CIB4: variants seen among roughly 807,000 people sequenced by gnomAD.
The protein encoded by CIB4 is calcium and integrin binding family member 4.
A neutral mutation model predicts 25.8 loss-of-function variants in CIB4; 25 were observed. The observed-to-expected ratio is 0.97, with a 90% CI of 0.71 to 1.35. The LOEUF (loss-of-function observed/expected upper bound fraction) is 1.35. Ranked by LOEUF, CIB4 falls within the 40% of genes most tolerant of loss-of-function variation. The probability of loss-of-function intolerance (pLI) is 0.00; values close to 1 mark genes in which losing one functional copy is unlikely to be tolerated. For synonymous variants in CIB4, 75 were observed against 81.4 expected (o/e 0.92, Z 0.42); for missense variants, 235 against 228.2 (o/e 1.03, Z -0.19).
At chr2:26,589,102 T>TTCTTCC (rs1360378999) in intron 4 of CIB4, among the ~76,000 whole-genome samples, 1 of 70,750 alleles carries the variant, frequency 1.4e-5, no homozygotes, top group African/African-American at 5.9e-5. Context: ...CTTCTTCTTC[T>TTCTTCC]TCTTCCTCTT....
chr2:26,601,421 A>G (rs1413619837), intron 3 of CIB4, among the ~76,000 whole-genome samples: 1 of 151,952 alleles, frequency 6.6e-6, no homozygotes, highest in Non-Finnish European at 1.5e-5. Flanking sequence ...CTGTGGGGGA[A>G]GGGACAGTCT....
rs188254969 is a variant in CIB4, at chr2:26,585,471, C to G, written c.329-1573G>C. ...GTCCGGCCTTCTCAGCACCACTCCC[C>G]TAGAGCTCCCAGCAGTCACCCAAGC... On this transcript the variant is annotated intron_variant, in intron 4 of 6. Transcript: ENST00000288861. Among the ~76,000 whole-genome samples the G allele has an allele frequency of 7.9e-5, 12 of 152,170 alleles. No individual in the cohort carries two copies. The East Asian group carries it at 2.3e-3, about 29-fold the overall frequency.
intron 3 of CIB4, among the ~76,000 whole-genome samples, chr2:26,620,837 C>T (rs772129865): frequency 3.2e-4 from 48 of 152,106 alleles, no homozygotes; most frequent in South Asian, 6.2e-4. Flanking sequence ...AAGGAGAGGA[C>T]GCTACAAAAA....
chr2:26,590,624 C>A (rs891633876), intron 4 of CIB4, among the ~76,000 whole-genome samples: 2 of 152,200 alleles, frequency 1.3e-5, no homozygotes, highest in Admixed American at 6.5e-5. Context: ...CCACTCCCCC[C>A]TCGACTTACT....
intron 2 of CIB4, among the ~76,000 whole-genome samples, chr2:26,632,725 G>A (rs889754478): frequency 2.0e-5 from 3 of 149,306 alleles, no homozygotes; most frequent in Non-Finnish European, 3.0e-5. Context: ...GCCATTGCAC[G>A]CCAGCTTGGG....
At position 26,627,093 on chromosome 2, in the gene CIB4, A is replaced by G. The variant is rs1669325299; in HGVS notation, c.186+2317T>C. Reference sequence around the variant, plus strand: ...CTCCAGGCCCTACTGAGACAAGGCTATTGCTGGAGAAGGATGTGTTGAGGC... The same window carrying G: ...CTCCAGGCCCTACTGAGACAAGGCTGTTGCTGGAGAAGGATGTGTTGAGGC... On this transcript the variant is annotated intron_variant, in intron 3 of 6. Transcript: ENST00000288861. The surrounding 1 kb of genome is among the most constrained non-coding windows in gnomAD (Gnocchi z 4.0). 6.6e-6 allele frequency among the ~76,000 whole-genome samples: 1 copy of G among 152,092 alleles called. No homozygotes were observed. The highest frequency in any genetic ancestry group is 1.5e-5 in the Non-Finnish European group (1 of 68,012).
At chr2:26,583,535 A>G (rs923919112) in intron 5 of CIB4, among the ~76,000 whole-genome samples, 4 of 152,196 alleles carry the variant, frequency 2.6e-5, no homozygotes, top group Admixed American at 6.5e-5. Flanking sequence ...GGGACCCTGG[A>G]AAGGACTTGG....
rs373906057 is a variant in CIB4 at position 26,585,727 on chromosome 2, T to C, written c.329-1829A>G. Among the ~76,000 whole-genome samples the C allele has an allele frequency of 1.2e-4, 19 of 152,148 alleles. No homozygotes were observed. In the East Asian group the frequency reaches 3.5e-3, roughly 28 times the overall value. On this transcript the variant is annotated intron_variant, in intron 4 of 6. Transcript: ENST00000288861. ...CATTGCAACCTTTAAATATCACCTA[T>C]AGGCTAATGAATGCCAAATGTATGT...
intron 3 of CIB4, among the ~76,000 whole-genome samples, chr2:26,620,374 C>T (rs1487925286): frequency 6.6e-6 from 1 of 152,212 alleles, no homozygotes; most frequent in Non-Finnish European, 1.5e-5. Flanking sequence ...ACACCCCCAC[C>T]CCCGCCAACC....
rs546185558 is a variant in CIB4, at chr2:26,594,386, C to A, written c.328+790G>T. 1.5e-4 allele frequency among the ~76,000 whole-genome samples: 23 copies of A among 152,312 alleles called. 1 individual carries two copies. In the East Asian group the frequency reaches 4.2e-3, roughly 28 times the overall value. On this transcript the variant is annotated intron_variant, in intron 4 of 6. Transcript: ENST00000288861. ...TAGGTCCCTCTGGCTTAAAGCTCTT[C>A]TACTGTCTTCTATCCACATCCCACT...
At chr2:26,602,948 G>A (rs10172856) in intron 3 of CIB4, among the ~76,000 whole-genome samples, 2,917 of 151,998 alleles carry the variant, frequency 0.019, 97 homozygotes, top group African/African-American at 0.065. Context: ...CTAGCTACTC[G>A]GGAGGGTAAA....
chr2:26,590,258 T>TAAAAAAA lies in CIB4; in HGVS notation c.328+4911_328+4917dup, dbSNP rs869097756. On this transcript the variant is annotated intron_variant, in intron 4 of 6. Transcript: ENST00000288861. ...CCTGGAGCTGGGGCCCAAGCATCTG[T>TAAAAAAA]AAAAAAAAAAAAAAAAAAAAAAAAA... Among the ~76,000 whole-genome samples, 394 of 61,828 alleles carry TAAAAAAA rather than the reference T, an allele frequency of 6.4e-3. 30 individuals carry two copies. Among genetic ancestry groups the TAAAAAAA allele is most frequent in the African/African-American group, 0.027 (373 of 13,674 alleles). The allele number at this position is 61,828 out of a possible 152,430, so 40.6% of individuals were successfully genotyped here.
chr2:26,634,951 T>C (rs1669503419), intron 2 of CIB4, among the ~76,000 whole-genome samples: 1 of 152,184 alleles, frequency 6.6e-6, no homozygotes. Flanking sequence ...GCCTGAGACA[T>C]AGAGGTCTGG....
At chr2:26,619,132 C>T (rs1400010978) in intron 3 of CIB4, among the ~76,000 whole-genome samples, 3 of 152,228 alleles carry the variant, frequency 2.0e-5, no homozygotes, top group African/African-American at 7.2e-5. Flanking sequence ...GCGTGGGAGC[C>T]TCTATTCACC....
intron 3 of CIB4, among the ~76,000 whole-genome samples, chr2:26,609,302 A>G (rs1668951859): frequency 6.6e-6 from 1 of 152,100 alleles, no homozygotes; most frequent in Non-Finnish European, 1.5e-5. Context: ...TGAGGAGGGC[A>G]GGGGGAAGAG....
At chr2:26,598,829 G>A (rs552320028) in intron 3 of CIB4, among the ~76,000 whole-genome samples, 2 of 152,238 alleles carry the variant, frequency 1.3e-5, no homozygotes, top group South Asian at 4.1e-4. Context: ...GAGTTTCTAG[G>A]GGCCCTGGTG....
intron 2 of CIB4, among the ~76,000 whole-genome samples, chr2:26,633,595 G>A (rs984664616): frequency 4.6e-5 from 7 of 152,176 alleles, no homozygotes; most frequent in Admixed American, 1.3e-4. Flanking sequence ...GCTGCCCATA[G>A]ATGAATCGTG....
intron 4 of CIB4, among the ~76,000 whole-genome samples, chr2:26,590,547 G>A (rs1030515273): frequency 1.3e-5 from 2 of 152,078 alleles, no homozygotes; most frequent in Non-Finnish European, 2.9e-5. Context: ...TACCATGCCC[G>A]CCTTCTCCTT....
At chr2:26,639,245 A>G (rs927665802) in intron 2 of CIB4, among the ~76,000 whole-genome samples, 10 of 151,802 alleles carry the variant, frequency 6.6e-5, no homozygotes, top group African/African-American at 1.9e-4. Flanking sequence ...TGTGCAGAAC[A>G]TGCAGGTTTG....
Sources: allele counts gnomAD v4.1 joint callset (sites outside exome capture counted in the v4.1 genomes callset), GRCh38; gene constraint gnomAD v4.1.1; non-coding constraint Gnocchi (gnomAD v3.1); transcripts MANE v1.5; gene names NCBI Gene and HGNC (gene_info 2026-07-23, HGNC 2026-07-21).